ESRRG: variants seen among roughly 807,000 people sequenced by gnomAD.
ESRRG encodes the protein estrogen-related receptor gamma.
A neutral mutation model predicts 44.0 loss-of-function variants in ESRRG; 13 were observed. The ratio of observed to expected loss-of-function variants is 0.30; its 90% CI spans 0.19 to 0.47. The LOEUF (loss-of-function observed/expected upper bound fraction) is 0.47. ESRRG is among the 20% of genes least tolerant of loss of function. The pLI is 1.00. For synonymous variants in ESRRG, 215 were observed against 214.6 expected (o/e 1.00, Z -0.02); for missense variants, 395 against 580.6 (o/e 0.68, Z 3.29).
intron 2 of ESRRG, among the ~76,000 whole-genome samples, chr1:216,838,092 C>A (rs1456358609): frequency 6.6e-6 from 1 of 152,122 alleles, no homozygotes; most frequent in East Asian, 1.9e-4. Flanking sequence ...CTAAAGCCAC[C>A]ATGACAGTTG....
At chr1:216,777,162 T>C (rs9970445) in intron 2 of ESRRG, among the ~76,000 whole-genome samples, 11,007 of 152,166 alleles carry the variant, frequency 0.072, 490 homozygotes, top group Middle Eastern at 0.14. Flanking sequence ...GACAGCTCTG[T>C]ATAAAAGATG....
chr1:216,850,394 A>C (rs912923485), intron 2 of ESRRG, among the ~76,000 whole-genome samples: 1 of 152,086 alleles, frequency 6.6e-6, no homozygotes, highest in Admixed American at 6.6e-5. Flanking sequence ...TAAACATATT[A>C]TTTTTGGTGT....
At chr1:216,870,317 C>G (rs764854386) in intron 2 of ESRRG, among the ~76,000 whole-genome samples, 10 of 150,322 alleles carry the variant, frequency 6.7e-5, no homozygotes, top group East Asian at 5.9e-4. Context: ...GCCTTGCAAT[C>G]CTGGTTTACA....
At chr1:216,740,232 A>G (rs552534412) in intron 2 of ESRRG, among the ~76,000 whole-genome samples, 12 of 152,192 alleles carry the variant, frequency 7.9e-5, no homozygotes, top group Non-Finnish European at 1.8e-4. Flanking sequence ...CAAAAAATCT[A>G]TTTGTCAAAC....
At chr1:216,549,260 T>C (rs541577805) in intron 5 of ESRRG, among the ~76,000 whole-genome samples, 1 of 152,090 alleles carries the variant, frequency 6.6e-6, no homozygotes, top group East Asian at 1.9e-4. Flanking sequence ...GAGTTGCAAA[T>C]TTTAAATACC....
At chr1:216,919,781 T>G (rs993344472) in intron 2 of ESRRG, among the ~76,000 whole-genome samples, 3 of 152,178 alleles carry the variant, frequency 2.0e-5, no homozygotes, top group African/African-American at 7.2e-5. Flanking sequence ...ATGCTTTTGC[T>G]TGGGTCCGTC....
At chr1:216,795,450 C>A (rs548090680) in intron 2 of ESRRG, among the ~76,000 whole-genome samples, 1 of 149,672 alleles carries the variant, frequency 6.7e-6, no homozygotes, top group South Asian at 2.1e-4. Context: ...AAGCGATTCT[C>A]CTGCCTCAGC....
chr1:217,068,350 A>G (rs1580348149), intron 1 of ESRRG, among the ~76,000 whole-genome samples: 1 of 120,518 alleles, frequency 8.3e-6, no homozygotes, highest in East Asian at 3.3e-4. Context: ...TGATCTTAGG[A>G]GTCTTTTTTT....
intron 1 of ESRRG, among the ~76,000 whole-genome samples, chr1:216,981,536 A>G (rs61174449): frequency 3.7e-4 from 56 of 152,284 alleles, no homozygotes; most frequent in African/African-American, 1.3e-3. Flanking sequence ...CTCTTCAATA[A>G]ATGTTAACTT....
chr1:216,923,287 CT>C (rs1427019240), intron 2 of ESRRG, among the ~76,000 whole-genome samples: 5 of 152,194 alleles, frequency 3.3e-5, no homozygotes, highest in Non-Finnish European at 5.9e-5. Context: ...TCTTATTAAA[CT>C]AACAAACAAG....
chr1:216,802,986 C>T (rs2094672016), intron 2 of ESRRG, among the ~76,000 whole-genome samples: 1 of 152,100 alleles, frequency 6.6e-6, no homozygotes, highest in Non-Finnish European at 1.5e-5. Flanking sequence ...ATTTTCATTT[C>T]TTTCTATGGG....
chr1:217,055,785 C>G (rs1041274999), intron 1 of ESRRG, among the ~76,000 whole-genome samples: 1 of 152,172 alleles, frequency 6.6e-6, no homozygotes, highest in Non-Finnish European at 1.5e-5. Flanking sequence ...GAGTCTCCAA[C>G]TATACTAAAA....
At chr1:216,636,409 AATAAGG>A (rs1408450188) in intron 3 of ESRRG, among the ~76,000 whole-genome samples, 4 of 152,254 alleles carry the variant, frequency 2.6e-5, no homozygotes, top group Admixed American at 6.5e-5. Flanking sequence ...AAAGAAAAAG[AATAAGG>A]TATGCCTTAG....
In ESRRG at chr1:216,565,945, A is replaced by C. The variant is rs113188845; in HGVS notation, c.701-1565T>G. On this transcript the variant is annotated intron_variant, in intron 4 of 6. Coordinates refer to ENST00000408911, the MANE Select transcript of ESRRG (RefSeq NM_001438.4). ...ATTAGAAGAAAATCCAATAGTAAAGAGCATAAAAATATATCCGAAAGTAAT... is the reference window on the plus strand; with the variant it reads ...ATTAGAAGAAAATCCAATAGTAAAGCGCATAAAAATATATCCGAAAGTAAT... 9.0e-4 allele frequency among the ~76,000 whole-genome samples: 136 copies of C among 151,292 alleles called. 1 individual carries two copies. The highest frequency in any genetic ancestry group is 1.6e-3 in the Non-Finnish European group (109 of 67,844).
intron 2 of ESRRG, among the ~76,000 whole-genome samples, chr1:216,798,529 C>G (rs1260425308): frequency 6.6e-6 from 1 of 152,160 alleles, no homozygotes; most frequent in African/African-American, 2.4e-5. Context: ...ATCCTGCAAG[C>G]TACTTATGGT....
At chr1:217,076,085 A>G (rs1419234852) in intron 1 of ESRRG, among the ~76,000 whole-genome samples, 3 of 152,186 alleles carry the variant, frequency 2.0e-5, no homozygotes, top group Non-Finnish European at 4.4e-5. Flanking sequence ...TGATGCAATT[A>G]TTTATACCAT....
rs146853944 is a variant in ESRRG at position 217,097,138 on chromosome 1, G to A, written c.-230+40529C>T. Among the ~76,000 whole-genome samples the A allele has an allele frequency of 4.6e-5, 7 of 152,176 alleles. No individual in the cohort carries two copies. The East Asian group carries it at 1.4e-3, about 29-fold the overall frequency. On this transcript the variant is annotated intron_variant, in intron 1 of 8. Transcript: ENST00000366940. ...GCTGAGGTGGGAGGATCAGGATTGC[G>A]AATAGGGCTGAAGTTTTGGATTCCT...
intron 1 of ESRRG, among the ~76,000 whole-genome samples, chr1:216,977,341 TACACACACAC>T (rs1553749984): frequency 6.9e-6 from 1 of 144,000 alleles, no homozygotes; most frequent in African/African-American, 2.6e-5. Flanking sequence ...GGAGGATACA[TACACACACAC>T]ACACACACAC....
chr1:216,634,778 G>T (rs560702561), intron 3 of ESRRG, among the ~76,000 whole-genome samples: 1 of 152,120 alleles, frequency 6.6e-6, no homozygotes, highest in Non-Finnish European at 1.5e-5. Flanking sequence ...GGGAGGATGC[G>T]TGTGGGTTGG....
Sources: gnomAD v4.1 joint callset for allele counts (sites outside exome capture counted in the v4.1 genomes callset) on GRCh38, gnomAD v4.1.1 for gene constraint, MANE v1.5 for transcripts, NCBI Gene and HGNC (gene_info 2026-07-23, HGNC 2026-07-21) for gene names.